The following GRIP1 variants were observed in gnomAD, a reference collection of about 807,000 sequenced individuals.
The protein encoded by GRIP1 is glutamate receptor-interacting protein 1.
A neutral mutation model predicts 129.9 loss-of-function variants in GRIP1; 45 were observed. That is an observed-to-expected ratio of 0.35 (90% CI 0.27 to 0.44). The LOEUF (loss-of-function observed/expected upper bound fraction) is 0.44, where lower values mean the gene tolerates loss of function less well. GRIP1 is among the 20% of genes least tolerant of loss of function. The probability of loss-of-function intolerance (pLI) is 1.00; values close to 1 mark genes in which losing one functional copy is unlikely to be tolerated. For synonymous variants in GRIP1, 530 were observed against 520.8 expected (o/e 1.02, Z -0.24); for missense variants, 1,196 against 1,396.8 (o/e 0.86, Z 2.29).
intron 1 of GRIP1, among the ~76,000 whole-genome samples, chr12:66,959,513 T>G (rs1332062930): frequency 2.0e-5 from 3 of 152,330 alleles, no homozygotes; most frequent in Non-Finnish European, 4.4e-5. Flanking sequence ...CATACACATT[T>G]CTGGCTCGGT....
At chr12:66,717,452 C>T (rs1312966237) in intron 1 of GRIP1, among the ~76,000 whole-genome samples, 1 of 151,506 alleles carries the variant, frequency 6.6e-6, no homozygotes, top group Non-Finnish European at 1.5e-5. Flanking sequence ...ATGTACGCAT[C>T]TGATGTCACC....
intron 1 of GRIP1, among the ~76,000 whole-genome samples, chr12:67,064,542 G>A (rs1233670916): frequency 6.6e-6 from 1 of 152,184 alleles, no homozygotes; most frequent in Non-Finnish European, 1.5e-5. Flanking sequence ...CATGGTGCCT[G>A]AAACAAAGCA....
chr12:66,880,928 G>A (rs1432946435), intron 1 of GRIP1, among the ~76,000 whole-genome samples: 1 of 151,616 alleles, frequency 6.6e-6, no homozygotes, highest in Non-Finnish European at 1.5e-5. Flanking sequence ...AATATCTCTA[G>A]TTCTCACCAG....
At chr12:66,530,541 G>A (rs1289485879) in intron 4 of GRIP1, among the ~76,000 whole-genome samples, 1 of 152,180 alleles carries the variant, frequency 6.6e-6, no homozygotes, top group Non-Finnish European at 1.5e-5. Context: ...TTATGCTTAT[G>A]TTGTGTTTGC....
chr12:66,790,211 G>T (rs2079436958), intron 1 of GRIP1, among the ~76,000 whole-genome samples: 1 of 152,106 alleles, frequency 6.6e-6, no homozygotes, highest in Admixed American at 6.6e-5. Context: ...GCAATCAATG[G>T]TTATTGAATT....
At chr12:66,435,927 TA>T (rs1433508868) in intron 13 of GRIP1, among the ~76,000 whole-genome samples, 1 of 152,232 alleles carries the variant, frequency 6.6e-6, no homozygotes, top group Non-Finnish European at 1.5e-5. Flanking sequence ...TTATATTTGT[TA>T]TTTTTTCTTT....
chr12:67,047,782 C>G (rs2043277571), intron 1 of GRIP1, among the ~76,000 whole-genome samples: 1 of 152,258 alleles, frequency 6.6e-6, no homozygotes, highest in East Asian at 1.9e-4. Context: ...TACTTGGGAT[C>G]AAGTTCCAGA....
chr12:66,888,800 C>T lies in GRIP1; in HGVS notation c.58+180250G>A, dbSNP rs536313941. On this transcript the variant is annotated intron_variant, in intron 1 of 1. Transcript: ENST00000643019. ...TGTGAGTTTATAATATGTTTTTCTACTGAACACAGTTGCTATCATCAAATG... is the reference window on the plus strand; with the variant it reads ...TGTGAGTTTATAATATGTTTTTCTATTGAACACAGTTGCTATCATCAAATG... Among the ~76,000 whole-genome samples, 18 of 152,228 alleles carry T rather than the reference C, an allele frequency of 1.2e-4. No homozygotes were observed. The South Asian group carries it at 3.5e-3, about 30-fold the overall frequency.
Position 66,789,130 on chromosome 12 carries a change from A to G in GRIP1, c.-420+14923T>C, listed in dbSNP as rs190187218. Reference sequence around the variant, plus strand: ...TTCTATTAGGTTGACAGAATATAGTATTTGAGTAGTAAAATTCTTTACAAA... The same window carrying G: ...TTCTATTAGGTTGACAGAATATAGTGTTTGAGTAGTAAAATTCTTTACAAA... On this transcript the variant is annotated intron_variant, in intron 1 of 4. Coordinates refer to the GRIP1 transcript ENST00000538373. Among the ~76,000 whole-genome samples, 165 of 152,322 alleles carry G rather than the reference A, an allele frequency of 1.1e-3. 1 individual carries two copies. Among genetic ancestry groups the G allele is most frequent in the Middle Eastern group, 3.4e-3 (1 of 294 alleles).
At chr12:66,861,875 C>T (rs2040118335) in intron 1 of GRIP1, among the ~76,000 whole-genome samples, 1 of 151,974 alleles carries the variant, frequency 6.6e-6, no homozygotes, top group African/African-American at 2.4e-5. Flanking sequence ...TATGTAAGTC[C>T]TTATTGATAT....
At chr12:67,010,740 A>T (rs2042693614) in intron 1 of GRIP1, among the ~76,000 whole-genome samples, 1 of 132,026 alleles carries the variant, frequency 7.6e-6, no homozygotes, top group Non-Finnish European at 1.7e-5. Flanking sequence ...GAAAGCGGGG[A>T]CACCGAGCCC....
In GRIP1 at chr12:66,687,975, T is replaced by C. The variant is rs116168152; in HGVS notation, c.-419-57639A>G. 4.2e-3 allele frequency among the ~76,000 whole-genome samples: 642 copies of C among 152,330 alleles called. 2 individuals are homozygous for C. Among genetic ancestry groups the C allele is most frequent in the African/African-American group, 0.013 (556 of 41,570 alleles). On this transcript the variant is annotated intron_variant, in intron 1 of 4. Transcript: ENST00000538373. ...GCATTCCACTGGGAATGGCAGGCTA[T>C]GTACTTGGAGTTGCTATCTTATCAC...
At chr12:66,607,519 C>A (rs1316376047) in intron 1 of GRIP1, among the ~76,000 whole-genome samples, 5 of 152,192 alleles carry the variant, frequency 3.3e-5, no homozygotes, top group Non-Finnish European at 7.3e-5. Flanking sequence ...ATATTTCAAA[C>A]CTTTTATGAG....
At position 66,421,292 on chromosome 12, in the gene GRIP1, C is replaced by T. The variant is rs564781433; in HGVS notation, c.1769-503G>A. Among the ~76,000 whole-genome samples the T allele has an allele frequency of 3.3e-5, 5 of 152,252 alleles. No individual in the cohort carries two copies. The South Asian group carries it at 8.3e-4, about 25-fold the overall frequency. On this transcript the variant is annotated intron_variant, in intron 14 of 24. Transcript: ENST00000359742. ...GGCACAGTGGCTCATGCCTGTAATC[C>T]TAGCACTTTGAGAGGCTGAGGTGGG...
At chr12:66,590,601 A>G (rs1329367053) in intron 2 of GRIP1, among the ~76,000 whole-genome samples, 1 of 152,184 alleles carries the variant, frequency 6.6e-6, no homozygotes, top group Non-Finnish European at 1.5e-5. Context: ...CTTTTCTACA[A>G]GCAGAACATG....
At chr12:66,452,479 G>A (rs1315646903) in intron 11 of GRIP1, among the ~76,000 whole-genome samples, 3 of 152,166 alleles carry the variant, frequency 2.0e-5, no homozygotes, top group South Asian at 4.1e-4. Flanking sequence ...TCTTTGATCA[G>A]TGATACAGAA....
At chr12:67,064,037 A>C (rs1295182383) in intron 1 of GRIP1, among the ~76,000 whole-genome samples, 2 of 152,244 alleles carry the variant, frequency 1.3e-5, no homozygotes, top group African/African-American at 2.4e-5. Context: ...AAAAATATGC[A>C]ATAATGGCAA....
chr12:67,007,423 T>C (rs1055603767), intron 1 of GRIP1, among the ~76,000 whole-genome samples: 7 of 152,112 alleles, frequency 4.6e-5, no homozygotes, highest in Non-Finnish European at 1.0e-4. Flanking sequence ...TTTTTAATAA[T>C]CCATTGCATT....
intron 1 of GRIP1, among the ~76,000 whole-genome samples, chr12:66,850,299 A>G (rs2039888498): frequency 6.6e-6 from 1 of 152,128 alleles, no homozygotes; most frequent in South Asian, 2.1e-4. Flanking sequence ...TCTTTTATAC[A>G]GTGCTTCTTA....
Sources: gnomAD v4.1 joint callset for allele counts (sites outside exome capture counted in the v4.1 genomes callset) on GRCh38, gnomAD v4.1.1 for gene constraint, MANE v1.5 for transcripts, NCBI Gene and HGNC (gene_info 2026-07-23, HGNC 2026-07-21) for gene names.